The following RFX3 variants were observed in gnomAD, a reference collection of about 807,000 sequenced individuals.
RFX3 encodes the protein regulatory factor X3.
RFX3 carries 14 observed loss-of-function variants against 98.6 expected under a neutral mutation model. That is an observed-to-expected ratio of 0.14 (90% CI 0.09 to 0.22). The LOEUF is 0.22. Among genes scored for constraint, RFX3 ranks in the 10% least tolerant of loss-of-function variants. The probability of loss-of-function intolerance (pLI) is 1.00; values close to 1 mark genes in which losing one functional copy is unlikely to be tolerated. For synonymous variants in RFX3, 383 were observed against 328.4 expected (o/e 1.17, Z -1.80); for missense variants, 639 against 926.9 (o/e 0.69, Z 4.03).
intron 1 of RFX3, among the ~76,000 whole-genome samples, chr9:3,424,905 G>A (rs1161570710): frequency 6.6e-6 from 1 of 152,132 alleles, no homozygotes; most frequent in Non-Finnish European, 1.5e-5. Flanking sequence ...TTTAGGGCTT[G>A]TTTTAGAGAG....
intron 1 of RFX3, among the ~76,000 whole-genome samples, chr9:3,508,956 GACAC>G (rs373440025): frequency 1.4e-5 from 2 of 147,830 alleles, no homozygotes; most frequent in Admixed American, 6.8e-5. Flanking sequence ...GTAAAACACA[GACAC>G]ACACACACAC....
chr9:3,517,795 T>C (rs1344428106), intron 1 of RFX3, among the ~76,000 whole-genome samples: 1 of 152,198 alleles, frequency 6.6e-6, no homozygotes, highest in Non-Finnish European at 1.5e-5. Context: ...AACAAGGTTA[T>C]AAATTTGTCC....
intron 3 of RFX3, among the ~76,000 whole-genome samples, chr9:3,340,087 G>T (rs1213047418): frequency 1.3e-5 from 2 of 152,144 alleles, no homozygotes; most frequent in Admixed American, 6.5e-5. Context: ...AGAGCCCTCA[G>T]AAATAATGCC....
intron 1 of RFX3, among the ~76,000 whole-genome samples, chr9:3,411,140 T>G (rs1248256418): frequency 6.6e-6 from 1 of 152,176 alleles, no homozygotes; most frequent in Non-Finnish European, 1.5e-5. Flanking sequence ...CAAACCAAAT[T>G]TATAAGGACG....
At chr9:3,395,719 C>T in intron 1 of RFX3, 123 bp from the exon 2 acceptor site, 1 of 943,666 alleles carries the variant, frequency 1.1e-6, no homozygotes, top group Non-Finnish European at 1.6e-6. Flanking sequence ...CTTATCCCAA[C>T]ATACTACCAT....
At chr9:3,432,864 G>A (rs1217789316) in intron 1 of RFX3, among the ~76,000 whole-genome samples, 2 of 152,210 alleles carry the variant, frequency 1.3e-5, no homozygotes, top group African/African-American at 4.8e-5. Context: ...AGTAAACAGT[G>A]GAAGAAGGGT....
At chr9:3,483,580 A>C (rs1849995597) in intron 1 of RFX3, among the ~76,000 whole-genome samples, 1 of 151,742 alleles carries the variant, frequency 6.6e-6, no homozygotes, top group African/African-American at 2.4e-5. Context: ...ACTTAGGGGA[A>C]CTCTATAATC....
At chr9:3,404,581 ATAT>A (rs2132073947) in intron 1 of RFX3, among the ~76,000 whole-genome samples, 1 of 152,198 alleles carries the variant, frequency 6.6e-6, no homozygotes, top group East Asian at 1.9e-4. Context: ...CTATATAGCT[ATAT>A]TATCTAAAGT....
chr9:3,276,946 A>G (rs1016891469), intron 8 of RFX3, among the ~76,000 whole-genome samples: 1 of 152,078 alleles, frequency 6.6e-6, no homozygotes, highest in Non-Finnish European at 1.5e-5. Flanking sequence ...AAAAGTTTAT[A>G]AAAATTTTTT....
chr9:3,226,795 T>C (rs945374788), intron 16 of RFX3, among the ~76,000 whole-genome samples: 1 of 152,170 alleles, frequency 6.6e-6, no homozygotes, highest in South Asian at 2.1e-4. Flanking sequence ...TTTTTATACA[T>C]AAAACAACAA....
At chr9:3,518,330 C>T (rs12554987) in intron 1 of RFX3, among the ~76,000 whole-genome samples, 2,386 of 152,166 alleles carry the variant, frequency 0.016, 34 homozygotes, top group Middle Eastern at 0.061. Context: ...AATTCACTGG[C>T]GAAAGGAAGC....
intron 1 of RFX3, among the ~76,000 whole-genome samples, chr9:3,485,788 G>A (rs1006126375): frequency 3.3e-5 from 5 of 152,102 alleles, no homozygotes; most frequent in African/African-American, 1.2e-4. Context: ...ATTAGCATCA[G>A]AATTATAATC....
At chr9:3,311,673 T>A (rs1412154045) in intron 4 of RFX3, among the ~76,000 whole-genome samples, 1 of 151,992 alleles carries the variant, frequency 6.6e-6, no homozygotes, top group African/African-American at 2.4e-5. Flanking sequence ...TCACCTGAGG[T>A]TAGGAGTTCA....
chr9:3,233,166 G>T (rs1324840095), intron 15 of RFX3, among the ~76,000 whole-genome samples: 1 of 152,206 alleles, frequency 6.6e-6, no homozygotes, highest in Non-Finnish European at 1.5e-5. Flanking sequence ...GGCAGCCAGT[G>T]AGAGTCTATT....
At chr9:3,260,033 T>A (rs1415088712) in intron 13 of RFX3, among the ~76,000 whole-genome samples, 1 of 151,744 alleles carries the variant, frequency 6.6e-6, no homozygotes, top group African/African-American at 2.4e-5. Flanking sequence ...TCTGGGAAAA[T>A]CTGGCAAAAC....
At chr9:3,366,700 TTCTTTCTTTC>T (rs1288124502) in intron 2 of RFX3, among the ~76,000 whole-genome samples, 8 of 99,350 alleles carry the variant, frequency 8.1e-5, no homozygotes, top group Admixed American at 3.0e-4. Flanking sequence ...TTTCCTTTCT[TTCTTTCTTTC>T]TTTCTTTCTT....
intron 1 of RFX3, among the ~76,000 whole-genome samples, chr9:3,465,588 G>A (rs183831340): frequency 1.1e-3 from 169 of 151,900 alleles, no homozygotes; most frequent in African/African-American, 3.8e-3. Context: ...ACAAGCGTGA[G>A]CCGCTGCACT....
At chr9:3,294,053 T>C (rs1476618881) in intron 5 of RFX3, among the ~76,000 whole-genome samples, 1 of 152,168 alleles carries the variant, frequency 6.6e-6, no homozygotes, top group Admixed American at 6.5e-5. Flanking sequence ...TACAAAAAAA[T>C]CTTTAAAGCA....
At chr9:3,345,756 G>A (rs896535310) in intron 3 of RFX3, among the ~76,000 whole-genome samples, 1 of 152,090 alleles carries the variant, frequency 6.6e-6, no homozygotes, top group Non-Finnish European at 1.5e-5. Flanking sequence ...GAACTCACAT[G>A]TCATGCACAC....
Sources: allele counts gnomAD v4.1 joint callset (sites outside exome capture counted in the v4.1 genomes callset), GRCh38; gene constraint gnomAD v4.1.1; transcripts MANE v1.5; gene names NCBI Gene and HGNC (gene_info 2026-07-23, HGNC 2026-07-21).